The following GRAMD1C variants were observed in gnomAD, a reference collection of about 807,000 sequenced individuals.
GRAMD1C encodes the protein GRAM domain containing 1C, also known as protein Aster-C.
GRAMD1C carries 89 observed loss-of-function variants against 97.8 expected under a neutral mutation model. That is an observed-to-expected ratio of 0.91 (90% CI 0.77 to 1.09). The LOEUF (loss-of-function observed/expected upper bound fraction) is 1.09. Among genes scored for constraint, GRAMD1C ranks in the 50% least tolerant of loss-of-function variants. GRAMD1C has a pLI of 0.00. For missense variants in GRAMD1C, 740 were observed against 766.4 expected (o/e 0.97, Z 0.41); for synonymous variants, 256 against 267.0 (o/e 0.96, Z 0.40).
chr3:113,842,942 G>A (rs571849453), intron 1 of GRAMD1C, among the ~76,000 whole-genome samples: 3 of 149,898 alleles, frequency 2.0e-5, no homozygotes, highest in Non-Finnish European at 3.0e-5. Context: ...GAGCCTAGGC[G>A]ACAGAGTGAG....
At chr3:113,927,307 C>G (rs1458961626) in intron 10 of GRAMD1C, among the ~76,000 whole-genome samples, 1 of 152,036 alleles carries the variant, frequency 6.6e-6, no homozygotes, top group Admixed American at 6.6e-5. Context: ...TGGAGGAGCC[C>G]CCTTTGACTG....
At chr3:113,915,219 G>A (rs182549351) in intron 9 of GRAMD1C, among the ~76,000 whole-genome samples, 1 of 152,188 alleles carries the variant, frequency 6.6e-6, no homozygotes, top group African/African-American at 2.4e-5. Context: ...ATTAAGTCAA[G>A]TTGAAACATT....
intron 1 of GRAMD1C, among the ~76,000 whole-genome samples, chr3:113,831,044 G>T (rs1324835063): frequency 6.6e-6 from 1 of 152,078 alleles, no homozygotes; most frequent in Admixed American, 6.6e-5. Context: ...AGCTGAGATC[G>T]CACCACTGCA....
intron 2 of GRAMD1C, among the ~76,000 whole-genome samples, chr3:113,867,317 C>G (rs1934621604): frequency 6.6e-6 from 1 of 151,556 alleles, no homozygotes; most frequent in Admixed American, 6.6e-5. Flanking sequence ...TTTTTGGAGA[C>G]AGAGTCTCAC....
chr3:113,924,796 AT>A (rs1054867237), intron 10 of GRAMD1C, among the ~76,000 whole-genome samples: 1 of 152,142 alleles, frequency 6.6e-6, no homozygotes, highest in Admixed American at 6.5e-5. Context: ...ATTTGGTTAA[AT>A]GTCAAGTTCA....
At chr3:113,945,329 TAAA>T in intron 17 of GRAMD1C, 66 bp from the exon 18 acceptor site, 3 of 1,010,418 alleles carry the variant, frequency 3.0e-6, no homozygotes, top group Non-Finnish European at 4.6e-6. Flanking sequence ...ATTTTGGGCA[TAAA>T]AAACAGAAAT....
intron 5 of GRAMD1C, among the ~76,000 whole-genome samples, chr3:113,878,131 G>T (rs1430909723): frequency 6.6e-6 from 1 of 152,102 alleles, no homozygotes; most frequent in East Asian, 1.9e-4. Flanking sequence ...ACCATACTTT[G>T]AATTTATTCA....
At chr3:113,841,218 A>C (rs1336314446) in intron 1 of GRAMD1C, among the ~76,000 whole-genome samples, 1 of 151,662 alleles carries the variant, frequency 6.6e-6, no homozygotes, top group East Asian at 1.9e-4. Flanking sequence ...TTAACAGGCC[A>C]AATTGGGCTG....
intron 2 of GRAMD1C, among the ~76,000 whole-genome samples, chr3:113,856,273 G>A (rs543064365): frequency 1.3e-5 from 2 of 152,152 alleles, no homozygotes; most frequent in East Asian, 3.9e-4. Context: ...AGAGGTAAGT[G>A]TAGACCCACA....
intron 9 of GRAMD1C, among the ~76,000 whole-genome samples, chr3:113,909,809 A>T (rs887347245): frequency 6.6e-6 from 1 of 152,194 alleles, no homozygotes; most frequent in Non-Finnish European, 1.5e-5. Context: ...ATGATTTTTT[A>T]AAAAGTGTAC....
At chr3:113,922,923 A>T (rs1322054073) in intron 10 of GRAMD1C, among the ~76,000 whole-genome samples, 1 of 152,038 alleles carries the variant, frequency 6.6e-6, no homozygotes, top group Non-Finnish European at 1.5e-5. Context: ...ATGTTTTTCC[A>T]TTTGTGTCAT....
chr3:113,911,481 A>G (rs916704952), intron 9 of GRAMD1C, among the ~76,000 whole-genome samples: 1 of 151,664 alleles, frequency 6.6e-6, no homozygotes, highest in Non-Finnish European at 1.5e-5. Flanking sequence ...CCTGGCTTCA[A>G]CTGATCCTTT....
intron 2 of GRAMD1C, among the ~76,000 whole-genome samples, chr3:113,861,985 T>G (rs1934394808): frequency 6.6e-6 from 1 of 152,072 alleles, no homozygotes; most frequent in Non-Finnish European, 1.5e-5. Context: ...TTTTTATTAG[T>G]GATTTTCAAA....
At chr3:113,859,767 A>G (rs1934290892) in intron 2 of GRAMD1C, among the ~76,000 whole-genome samples, 1 of 152,234 alleles carries the variant, frequency 6.6e-6, no homozygotes, top group South Asian at 2.1e-4. Flanking sequence ...ACTTTTCACG[A>G]AGAAAAGCTC....
At chr3:113,937,516 TTAGAG>T (rs1284303982) in intron 14 of GRAMD1C, among the ~76,000 whole-genome samples, 2 of 152,204 alleles carry the variant, frequency 1.3e-5, no homozygotes, top group African/African-American at 4.8e-5. Context: ...TTGTTTAATT[TTAGAG>T]TAAAGTAATT....
chr3:113,922,835 G>A (rs1315296140), intron 10 of GRAMD1C, among the ~76,000 whole-genome samples: 2 of 152,072 alleles, frequency 1.3e-5, no homozygotes, highest in East Asian at 3.9e-4. Flanking sequence ...AGTTTGAGAG[G>A]AATAGCATTG....
At chr3:113,838,777 C>T, upstream of GRAMD1C, 2 of 515,928 alleles carry the variant, frequency 3.9e-6, no homozygotes, top group Non-Finnish European at 5.9e-6. Flanking sequence ...CAAGGAGCTG[C>T]GGCTGGAAGT....
At chr3:113,905,738 C>A (rs539802161) in intron 8 of GRAMD1C, among the ~76,000 whole-genome samples, 4 of 151,892 alleles carry the variant, frequency 2.6e-5, no homozygotes, top group Non-Finnish European at 5.9e-5. Flanking sequence ...TCTTGTTGCC[C>A]AGGCTGGAGT....
upstream of GRAMD1C, among the ~76,000 whole-genome samples, chr3:113,836,120 C>T (rs768947794): frequency 3.0e-4 from 45 of 151,874 alleles, no homozygotes; most frequent in Admixed American, 2.4e-3. Context: ...AAAAATTAGC[C>T]GGGCATGGTG....
Sources: gnomAD v4.1 joint callset for allele counts (sites outside exome capture counted in the v4.1 genomes callset) on GRCh38, gnomAD v4.1.1 for gene constraint, MANE v1.5 for transcripts, NCBI Gene and HGNC (gene_info 2026-07-23, HGNC 2026-07-21) for gene names.